The following LYRM4 variants were observed in gnomAD, a reference collection of about 807,000 sequenced individuals.
LYRM4 encodes LYR motif-containing protein 4.
LYRM4 carries 9 observed loss-of-function variants against 11.7 expected under a neutral mutation model. That is an observed-to-expected ratio of 0.77 (90% CI 0.46 to 1.34). The LOEUF (loss-of-function observed/expected upper bound fraction) is 1.34. LYRM4 is among the 40% of genes most tolerant of loss of function. The probability of loss-of-function intolerance (pLI) is 0.00; values close to 1 mark genes in which losing one functional copy is unlikely to be tolerated. For synonymous variants in LYRM4, 42 were observed against 40.4 expected, an observed-to-expected ratio of 1.04 and a Z score of -0.15; for missense variants, 133 against 112.5, an observed-to-expected ratio of 1.18 and a Z score of -0.82.
the LYRM4 span, among the ~76,000 whole-genome samples, chr6:5,059,734 T>C: frequency 6.6e-6 from 1 of 152,090 alleles, no homozygotes; most frequent in Non-Finnish European, 1.5e-5. Flanking sequence ...TAACCATCTG[T>C]ACCCCATTGC....
At chr6:5,152,330 C>A (rs73719704) in intron 2 of LYRM4, among the ~76,000 whole-genome samples, 4,659 of 152,160 alleles carry the variant, frequency 0.031, 144 homozygotes, top group East Asian at 0.097. Flanking sequence ...CCTAGGAAAG[C>A]GGCAACTAAG....
chr6:5,096,285 T>C, the LYRM4 span, among the ~76,000 whole-genome samples: 2 of 151,182 alleles, frequency 1.3e-5, no homozygotes, highest in African/African-American at 4.9e-5. Flanking sequence ...AGGCCAGGAG[T>C]TTGAGACCAG....
At chr6:5,144,868 A>T (rs984828909) in intron 2 of LYRM4, among the ~76,000 whole-genome samples, 1 of 152,108 alleles carries the variant, frequency 6.6e-6, no homozygotes, top group Non-Finnish European at 1.5e-5. Context: ...ACGCTGGGTG[A>T]CCTCTGAGGT....
At chr6:5,136,528 G>A in intron 2 of LYRM4, 1 of 953,208 alleles carries the variant, frequency 1.0e-6, no homozygotes, top group Non-Finnish European at 1.2e-6. Flanking sequence ...CTACAGAATG[G>A]GATAATGTCA....
At chr6:5,106,736 G>A (rs370830811), downstream of LYRM4, 1 of 152,366 alleles carries the variant, frequency 6.6e-6, no homozygotes, top group East Asian at 1.9e-4. Context: ...CGGCCAATGA[G>A]TTCTGCCTGG....
chr6:5,254,416 T>C (rs997537407), intron 1 of LYRM4, among the ~76,000 whole-genome samples: 4 of 152,214 alleles, frequency 2.6e-5, no homozygotes, highest in Admixed American at 1.3e-4. Flanking sequence ...TTATTTCTTG[T>C]TGGCAAAAAC....
the LYRM4 span, among the ~76,000 whole-genome samples, chr6:5,063,314 A>G: frequency 6.6e-6 from 1 of 150,920 alleles, no homozygotes. Flanking sequence ...TTTCGGATGC[A>G]CTGTAGCCCT....
rs999686242 is a variant in LYRM4 at position 5,206,024 on chromosome 6, C to T, written c.207+10594G>A. Among the ~76,000 whole-genome samples the T allele has an allele frequency of 6.6e-5, 10 of 152,218 alleles. No homozygotes were observed. The East Asian group carries it at 9.6e-4, about 15-fold the overall frequency. ...ACCAGCATTACATAACTCAGCATTACATCATCCAGTTACTCCCCCATGTGC... is the reference window on the plus strand; with the variant it reads ...ACCAGCATTACATAACTCAGCATTATATCATCCAGTTACTCCCCCATGTGC... On this transcript the variant is annotated intron_variant, in intron 2 of 2. Transcript: ENST00000330636.
chr6:5,178,708 G>C lies in LYRM4; in HGVS notation c.207+37910C>G, dbSNP rs188493016. ...TAATCCCAGCTACTCCAGAGGCTGAGGCAGAAGAATCGCTTGAACCCGGGA... is the reference window on the plus strand; with the variant it reads ...TAATCCCAGCTACTCCAGAGGCTGACGCAGAAGAATCGCTTGAACCCGGGA... On this transcript the variant is annotated intron_variant, in intron 2 of 2. Coordinates refer to ENST00000330636, the MANE Select transcript of LYRM4 (RefSeq NM_020408.6). Among the ~76,000 whole-genome samples the C allele has an allele frequency of 4.7e-4, 68 of 144,886 alleles. 1 individual carries two copies. Among genetic ancestry groups the C allele is most frequent in the African/African-American group, 1.7e-3 (67 of 39,494 alleles).
intron 2 of LYRM4, among the ~76,000 whole-genome samples, chr6:5,201,173 A>G (rs1427620889): frequency 6.6e-6 from 1 of 152,124 alleles, no homozygotes; most frequent in Non-Finnish European, 1.5e-5. Flanking sequence ...CAACATGGGT[A>G]TCTGATATGG....
Position 5,247,331 on chromosome 6 carries a change from A to G in LYRM4, c.86+13317T>C, listed in dbSNP as rs74955038. Among the ~76,000 whole-genome samples the G allele has an allele frequency of 7.9e-4, 121 of 152,328 alleles. 3 individuals carry two copies. The East Asian group carries it at 0.023, about 28-fold the overall frequency. ...ACCGGATGCAGTGAGTGCTCAAACA[A>G]GATTTGCTGGATGAATAAAAGACAA... On this transcript the variant is annotated intron_variant, in intron 1 of 2. Transcript: ENST00000330636.
At chr6:5,061,572 A>G in the LYRM4 span, among the ~76,000 whole-genome samples, 4 of 152,260 alleles carry the variant, frequency 2.6e-5, no homozygotes, top group African/African-American at 9.6e-5. Context: ...GTTCAATAGC[A>G]AACGCTGAAG....
At chr6:5,174,482 A>C (rs1030356696) in intron 2 of LYRM4, among the ~76,000 whole-genome samples, 3 of 152,138 alleles carry the variant, frequency 2.0e-5, no homozygotes, top group Non-Finnish European at 4.4e-5. Flanking sequence ...CAAAAGCTCG[A>C]GTTTCAAAAT....
chr6:5,258,928 T>C (rs994211555), intron 1 of LYRM4, among the ~76,000 whole-genome samples: 5 of 152,226 alleles, frequency 3.3e-5, no homozygotes, highest in Admixed American at 6.5e-5. Context: ...TCCTGTTCAG[T>C]TGGCAATTAC....
chr6:5,179,742 T>G (rs1759963242), intron 2 of LYRM4, among the ~76,000 whole-genome samples: 1 of 152,240 alleles, frequency 6.6e-6, no homozygotes, highest in African/African-American at 2.4e-5. Flanking sequence ...TACAGAGACC[T>G]AATCAAGACC....
chr6:5,231,217 A>G (rs1228535553), intron 1 of LYRM4, among the ~76,000 whole-genome samples: 5 of 152,026 alleles, frequency 3.3e-5, no homozygotes, highest in African/African-American at 7.3e-5. Flanking sequence ...AAAATAAAAA[A>G]CCAAAAAAAA....
intron 2 of LYRM4, among the ~76,000 whole-genome samples, chr6:5,158,471 AC>A (rs1227287701): frequency 7.5e-6 from 1 of 132,788 alleles, no homozygotes; most frequent in East Asian, 2.5e-4. Flanking sequence ...TCTGGTCTCC[AC>A]GTTTTTTTTT....
rs113660808 is a variant in LYRM4 at position 5,168,109 on chromosome 6, TAAAAAAA to T, written c.207+48502_207+48508del. Among the ~76,000 whole-genome samples the T allele has an allele frequency of 1.9e-4, 26 of 134,554 alleles. No homozygotes were observed. In the Middle Eastern group the frequency reaches 0.011, roughly 58 times the overall value. 88.3% of individuals were successfully genotyped at this position (134,554 alleles called of 152,430 possible). On this transcript the variant is annotated intron_variant, in intron 2 of 2. Coordinates refer to ENST00000330636, the MANE Select transcript of LYRM4 (RefSeq NM_020408.6). ...GAATCCATGAATCTATCATGATACTTAAAAAAAAAAAACAAAAAACAGTGGGAGAAGA... is the reference window on the plus strand; with the variant it reads ...GAATCCATGAATCTATCATGATACTTAAAAACAAAAAACAGTGGGAGAAGA...
chr6:5,205,621 G>C (rs35411134), intron 2 of LYRM4, among the ~76,000 whole-genome samples: 2,073 of 152,282 alleles, frequency 0.014, 49 homozygotes, highest in African/African-American at 0.046. Context: ...CAGCTATACA[G>C]ACAGCAGTGA....
Sources: allele counts gnomAD v4.1 joint callset (sites outside exome capture counted in the v4.1 genomes callset), GRCh38; gene constraint gnomAD v4.1.1; transcripts MANE v1.5; gene names NCBI Gene and HGNC (gene_info 2026-07-23, HGNC 2026-07-21).